The following GUCY1A2 variants were observed in gnomAD, a reference collection of about 807,000 sequenced individuals.
The protein encoded by GUCY1A2 is guanylate cyclase soluble subunit alpha-2.
In GUCY1A2, 27 loss-of-function variants were observed where a neutral mutation model predicts 63.5. The observed-to-expected ratio is 0.43, with a 90% CI of 0.31 to 0.59. The LOEUF (loss-of-function observed/expected upper bound fraction) is 0.59, where lower values mean the gene tolerates loss of function less well. Among genes scored for constraint, GUCY1A2 ranks in the 20% least tolerant of loss-of-function variants. The pLI is 0.11. For synonymous variants in GUCY1A2, 364 were observed against 343.5 expected (o/e 1.06, Z -0.66); for missense variants, 768 against 913.3 (o/e 0.84, Z 2.05).
At chr11:106,714,662 T>G (rs1421624827) in intron 6 of GUCY1A2, among the ~76,000 whole-genome samples, 1 of 152,246 alleles carries the variant, frequency 6.6e-6, no homozygotes, top group African/African-American at 2.4e-5. Flanking sequence ...TACTTTGCAC[T>G]AAACCAATGG....
chr11:107,001,915 A>G (rs1251227446), intron 1 of GUCY1A2, among the ~76,000 whole-genome samples: 1 of 151,840 alleles, frequency 6.6e-6, no homozygotes, highest in Non-Finnish European at 1.5e-5. Context: ...GCTACTCGGG[A>G]GGCTGAGGCA....
At chr11:106,842,763 G>C (rs927402836) in intron 4 of GUCY1A2, among the ~76,000 whole-genome samples, 2 of 151,954 alleles carry the variant, frequency 1.3e-5, no homozygotes, top group Non-Finnish European at 2.9e-5. Flanking sequence ...GAAGGGGCCT[G>C]TTAGAATGTA....
At chr11:106,749,346 T>C (rs968229481) in intron 6 of GUCY1A2, among the ~76,000 whole-genome samples, 2 of 152,044 alleles carry the variant, frequency 1.3e-5, no homozygotes, top group African/African-American at 4.8e-5. Flanking sequence ...AAATCTATTG[T>C]TTTTGGTGCT....
intron 3 of GUCY1A2, among the ~76,000 whole-genome samples, chr11:106,965,999 C>A (rs995890428): frequency 6.6e-6 from 1 of 151,958 alleles, no homozygotes; most frequent in African/African-American, 2.4e-5. Flanking sequence ...ATACTACAGT[C>A]ATATAGAAAT....
At chr11:106,854,616 G>T (rs1353268009) in intron 4 of GUCY1A2, among the ~76,000 whole-genome samples, 1 of 152,196 alleles carries the variant, frequency 6.6e-6, no homozygotes, top group East Asian at 1.9e-4. Context: ...AGCATCAACA[G>T]TGGCGATCAG....
At chr11:106,919,650 C>CA (rs920757946) in intron 4 of GUCY1A2, among the ~76,000 whole-genome samples, 5 of 151,696 alleles carry the variant, frequency 3.3e-5, no homozygotes, top group Non-Finnish European at 7.4e-5. Flanking sequence ...ATCTGAAGGA[C>CA]AAAAATTAAG....
intron 6 of GUCY1A2, among the ~76,000 whole-genome samples, chr11:106,747,383 C>T (rs1042529199): frequency 3.9e-5 from 6 of 152,318 alleles, no homozygotes; most frequent in African/African-American, 1.2e-4. Flanking sequence ...CAACACTTTG[C>T]GAAAGTTACT....
intron 4 of GUCY1A2, among the ~76,000 whole-genome samples, chr11:106,828,227 T>G (rs1859001334): frequency 6.6e-6 from 1 of 152,162 alleles, no homozygotes; most frequent in Admixed American, 6.5e-5. Context: ...ATTTTTGGTT[T>G]TGTTGCATTT....
rs1260761327 is a variant in GUCY1A2, at chr11:106,679,249, C to A, written c.*8300G>T. The A allele has an allele frequency of 5.3e-6, 1 of 188,976 alleles. No individual in the cohort carries two copies. Among genetic ancestry groups the A allele is most frequent in the East Asian group, 8.5e-5 (1 of 11,808 alleles). The allele number at this position is 188,976 out of a possible 1,614,324, so 11.7% of individuals were successfully genotyped here. ...TGAAAAATCTTTGATGATTAAGGTA[C>A]TACCTAACCACTTTTAAGTTTAGAA... On this transcript the variant is annotated 3_prime_UTR_variant, in exon 8 of 8. Coordinates refer to ENST00000526355, the MANE Select transcript of GUCY1A2 (RefSeq NM_000855.3).
At chr11:106,832,736 C>A (rs1372569014) in intron 4 of GUCY1A2, among the ~76,000 whole-genome samples, 3 of 152,018 alleles carry the variant, frequency 2.0e-5, no homozygotes, top group Non-Finnish European at 2.9e-5. Flanking sequence ...ATAAATGAAC[C>A]TATATAACAC....
intron 6 of GUCY1A2, among the ~76,000 whole-genome samples, chr11:106,755,090 G>C (rs932670004): frequency 1.3e-5 from 2 of 152,130 alleles, no homozygotes. Context: ...GAGTGTATGT[G>C]TCCAGGAATT....
At chr11:106,926,402 C>T (rs1860522001) in intron 4 of GUCY1A2, among the ~76,000 whole-genome samples, 2 of 150,198 alleles carry the variant, frequency 1.3e-5, no homozygotes, top group Admixed American at 1.3e-4. Context: ...CAAACCACTG[C>T]ACTCCAGCCT....
chr11:106,676,805 A>G lies in GUCY1A2; in HGVS notation c.*10744T>C, dbSNP rs1862354542. ...TGTGGTACTCACATAAAAAAAAATGACTACTTGAAAATAAGAGGTTTTTCT... is the reference window on the plus strand; with the variant it reads ...TGTGGTACTCACATAAAAAAAAATGGCTACTTGAAAATAAGAGGTTTTTCT... On this transcript the variant is annotated 3_prime_UTR_variant, in exon 8 of 8. Coordinates refer to ENST00000526355, the MANE Select transcript of GUCY1A2 (RefSeq NM_000855.3). The G allele has an allele frequency of 5.1e-6, 1 of 197,242 alleles. No homozygotes were observed. Among genetic ancestry groups the G allele is most frequent in the Middle Eastern group, 1.8e-3 (1 of 564 alleles). 12.2% of individuals were successfully genotyped at this position (197,242 alleles called of 1,614,324 possible). A position where few individuals can be genotyped will look rare whatever the true frequency, so the allele number is the denominator to read the frequency against.
At chr11:106,926,207 G>A (rs955659140) in intron 4 of GUCY1A2, among the ~76,000 whole-genome samples, 3 of 152,052 alleles carry the variant, frequency 2.0e-5, no homozygotes, top group Non-Finnish European at 2.9e-5. Flanking sequence ...ATCACTTGAG[G>A]CCAGGAGTTC....
Position 106,675,943 on chromosome 11 carries a change from A to AG in GUCY1A2, c.*11605dup. 1 of 190,670 alleles carries AG rather than the reference A, an allele frequency of 5.2e-6. No individual in the cohort carries two copies. The allele number at this position is 190,670 out of a possible 1,614,324, so 11.8% of individuals were successfully genotyped here. On this transcript the variant is annotated 3_prime_UTR_variant, in exon 8 of 8. Transcript: ENST00000526355. ...CATCTGTTAGAATTTAAGACCCCTGAGGTACATAACAGAAAAGTCCAAATA... is the reference window on the plus strand; with the variant it reads ...CATCTGTTAGAATTTAAGACCCCTGAGGGTACATAACAGAAAAGTCCAAATA...
intron 6 of GUCY1A2, among the ~76,000 whole-genome samples, chr11:106,756,599 C>G (rs1401022218): frequency 6.6e-6 from 1 of 152,132 alleles, no homozygotes; most frequent in Non-Finnish European, 1.5e-5. Context: ...TTCTCCTTCA[C>G]TTATGAAGCT....
chr11:106,953,194 T>A (rs1860934958), intron 3 of GUCY1A2, among the ~76,000 whole-genome samples: 1 of 152,218 alleles, frequency 6.6e-6, no homozygotes, highest in Non-Finnish European at 1.5e-5. Flanking sequence ...TTTTGAGATA[T>A]GTTCCATCAA....
chr11:106,776,616 T>G lies in GUCY1A2; in HGVS notation c.1693-34A>C, dbSNP rs756353144. The G allele has an allele frequency of 1.9e-6, 3 of 1,600,496 alleles. No homozygotes were observed. In the African/African-American group the frequency reaches 4.0e-5, roughly 21 times the overall value. ...ATCAGACAAATCAAATGCAAACGTA[T>G]GATAATGAGCCCAAAGAGAAATGAT... is the stretch of plus-strand genomic sequence containing the variant. On this transcript the variant is annotated intron_variant, in intron 5 of 7. Coordinates refer to ENST00000526355, the MANE Select transcript of GUCY1A2 (RefSeq NM_000855.3).
At position 106,709,604 on chromosome 11, in the gene GUCY1A2, T is replaced by TTATATACGTG. The variant is rs1565264920; in HGVS notation, c.1837-939_1837-938insCACGTATATA. 6.0e-4 allele frequency among the ~76,000 whole-genome samples: 40 copies of TTATATACGTG among 66,312 alleles called. 6 individuals carry two copies. Among genetic ancestry groups the TTATATACGTG allele is most frequent in the South Asian group, 2.2e-3 (4 of 1,788 alleles). The allele number at this position is 66,312 out of a possible 152,430, so 43.5% of individuals were successfully genotyped here. ...ATATATAGTTATATATAATATATAG[T>TTATATACGTG]TATATATTATATACGTGTATATATT... On this transcript the variant is annotated intron_variant, in intron 6 of 7. Transcript: ENST00000526355.
Sources: gnomAD v4.1 joint callset for allele counts (sites outside exome capture counted in the v4.1 genomes callset) on GRCh38, gnomAD v4.1.1 for gene constraint, MANE v1.5 for transcripts, NCBI Gene and HGNC (gene_info 2026-07-23, HGNC 2026-07-21) for gene names.